Variants in CREB5 observed in about 807,000 individuals in gnomAD.
The protein encoded by CREB5 is cyclic AMP-responsive element-binding protein 5.
In CREB5, 19 loss-of-function variants were observed where a neutral mutation model predicts 57.1. That is an observed-to-expected ratio of 0.33 (90% confidence interval 0.23 to 0.49). The LOEUF is 0.49. Among genes scored for constraint, CREB5 ranks in the 20% least tolerant of loss-of-function variants. CREB5 has a pLI of 0.99. For missense variants in CREB5, 579 were observed against 671.6 expected (o/e 0.86, Z 1.52); for synonymous variants, 238 against 238.3 (o/e 1.00, Z 0.01).
intron 1 of CREB5, among the ~76,000 whole-genome samples, chr7:28,318,306 G>T (rs956056897): frequency 3.3e-5 from 5 of 152,126 alleles, no homozygotes; most frequent in African/African-American, 1.2e-4. Context: ...CAATGTATTG[G>T]TTCCAAGAAC....
At chr7:28,602,400 T>C (rs779656040) in intron 5 of CREB5, among the ~76,000 whole-genome samples, 21 of 152,226 alleles carry the variant, frequency 1.4e-4, no homozygotes, top group Non-Finnish European at 2.6e-4. Context: ...GTGCTGGGAT[T>C]ACAGTGGACT....
intron 7 of CREB5, among the ~76,000 whole-genome samples, chr7:28,777,832 CAAGAA>C (rs1806748162): frequency 6.6e-6 from 1 of 151,632 alleles, no homozygotes; most frequent in Admixed American, 6.6e-5. Flanking sequence ...TAGGTAATGC[CAAGAA>C]AAGAAAAAAG....
chr7:28,649,439 T>C (rs973199180), intron 5 of CREB5, among the ~76,000 whole-genome samples: 1 of 152,248 alleles, frequency 6.6e-6, no homozygotes, highest in Non-Finnish European at 1.5e-5. Flanking sequence ...GTATTGTCTA[T>C]GGCAGCTGAG....
intron 4 of CREB5, among the ~76,000 whole-genome samples, chr7:28,511,761 C>T (rs867312660): frequency 5.3e-5 from 8 of 152,340 alleles, no homozygotes; most frequent in South Asian, 2.1e-4. Context: ...GCTGGGATTA[C>T]CGGCGTGAGC....
At chr7:28,605,465 C>T (rs1464863645) in intron 5 of CREB5, among the ~76,000 whole-genome samples, 1 of 152,124 alleles carries the variant, frequency 6.6e-6, no homozygotes, top group East Asian at 1.9e-4. Context: ...AAAGAGTATC[C>T]AGTCTTCCTA....
At chr7:28,772,872 T>A (rs545537166) in intron 7 of CREB5, among the ~76,000 whole-genome samples, 1 of 152,242 alleles carries the variant, frequency 6.6e-6, no homozygotes, top group South Asian at 2.1e-4. Context: ...TGGATTTAAG[T>A]GACACTTGTG....
At chr7:28,334,166 ATTGT>A (rs1311363485) in intron 1 of CREB5, among the ~76,000 whole-genome samples, 1 of 151,574 alleles carries the variant, frequency 6.6e-6, no homozygotes, top group African/African-American at 2.4e-5. Context: ...TTTTTGTTTG[ATTGT>A]TTGAGATGGA....
intron 5 of CREB5, among the ~76,000 whole-genome samples, chr7:28,629,916 G>C (rs552266741): frequency 6.6e-6 from 1 of 152,174 alleles, no homozygotes; most frequent in Non-Finnish European, 1.5e-5. Context: ...TGAAAGGATA[G>C]GCTTCTATGG....
chr7:28,521,999 C>A (rs1178179329), intron 4 of CREB5, among the ~76,000 whole-genome samples: 1 of 152,150 alleles, frequency 6.6e-6, no homozygotes, highest in East Asian at 1.9e-4. Context: ...TAATAAAATT[C>A]ACCATCATTC....
intron 5 of CREB5, among the ~76,000 whole-genome samples, chr7:28,593,564 A>G (rs963515318): frequency 7.2e-5 from 11 of 152,208 alleles, no homozygotes; most frequent in Admixed American, 5.9e-4. Context: ...TGAATTTTAT[A>G]CACACATAGA....
chr7:28,522,934 G>T (rs1217667566), intron 4 of CREB5, among the ~76,000 whole-genome samples: 1 of 152,180 alleles, frequency 6.6e-6, no homozygotes, highest in Non-Finnish European at 1.5e-5. Flanking sequence ...ACCAAGCATG[G>T]GAATCCTCTC....
At chr7:28,322,858 A>AT (rs1460895146) in intron 1 of CREB5, among the ~76,000 whole-genome samples, 3 of 152,122 alleles carry the variant, frequency 2.0e-5, no homozygotes, top group African/African-American at 7.2e-5. Context: ...TCCAAAATGA[A>AT]TTTTTAATCT....
chr7:28,369,122 C>G (rs1450330352), intron 1 of CREB5, among the ~76,000 whole-genome samples: 3 of 152,176 alleles, frequency 2.0e-5, no homozygotes, highest in African/African-American at 7.2e-5. Context: ...TGCACAAAAG[C>G]AGAGATCTTT....
rs557590197 is a variant in CREB5, at chr7:28,649,724, T to C, written c.465-69029T>C. Among the ~76,000 whole-genome samples the C allele has an allele frequency of 8.5e-5, 13 of 152,306 alleles. 1 individual carries two copies. The highest frequency in any genetic ancestry group is 3.1e-4 in the African/African-American group (13 of 41,562). ...GACCATATCTTATTATCTCTTATAT[T>C]CTGTGTAGTTTTTAGAAATAGAGGG... On this transcript the variant is annotated intron_variant, in intron 5 of 10. Transcript: ENST00000357727.
chr7:28,558,049 C>G (rs1220793056), intron 4 of CREB5, among the ~76,000 whole-genome samples: 1 of 152,080 alleles, frequency 6.6e-6, no homozygotes, highest in Non-Finnish European at 1.5e-5. Context: ...ACTGTCATGC[C>G]CAGTTGTGGC....
intron 4 of CREB5, among the ~76,000 whole-genome samples, chr7:28,515,579 C>T (rs1227609496): frequency 3.9e-5 from 6 of 152,084 alleles, no homozygotes; most frequent in Non-Finnish European, 7.4e-5. Flanking sequence ...CCACCATGCC[C>T]GACTCCCCTG....
chr7:28,436,894 C>A (rs10486584), intron 1 of CREB5, among the ~76,000 whole-genome samples: 46,777 of 152,010 alleles, frequency 0.31, 8,003 homozygotes, highest in South Asian at 0.39. Context: ...TAAAATTCTA[C>A]AGATGGAATT....
intron 1 of CREB5, among the ~76,000 whole-genome samples, chr7:28,486,670 T>TTAAATATATATATATATATATATA (rs1554331892): frequency 2.1e-4 from 19 of 89,144 alleles, no homozygotes; most frequent in African/African-American, 6.4e-4. Context: ...TCCTATGATT[T>TTAAATATATATATATATATATATA]TATATATATA....
chr7:28,641,582 C>T lies in CREB5; in HGVS notation c.464+71045C>T, dbSNP rs183646479. 3.8e-3 allele frequency among the ~76,000 whole-genome samples: 572 copies of T among 152,176 alleles called. 4 individuals are homozygous for T. The highest frequency in any genetic ancestry group is 0.017 in the South Asian group (81 of 4,812). On this transcript the variant is annotated intron_variant, in intron 5 of 10. Coordinates refer to ENST00000357727, the MANE Select transcript of CREB5 (RefSeq NM_182898.4). Reference sequence around the variant, plus strand: ...CATGGCAGATGTGGAGGCCTGCAGGCGGTGTTTGCTTCAGGGAAAAAACAA... The same window carrying T: ...CATGGCAGATGTGGAGGCCTGCAGGTGGTGTTTGCTTCAGGGAAAAAACAA...
Sources: gnomAD v4.1 joint callset for allele counts (sites outside exome capture counted in the v4.1 genomes callset) on GRCh38, gnomAD v4.1.1 for gene constraint, MANE v1.5 for transcripts, NCBI Gene and HGNC (gene_info 2026-07-23, HGNC 2026-07-21) for gene names.